GATAD2A: variants seen among roughly 807,000 people sequenced by gnomAD.
GATAD2A encodes the protein GATA zinc finger domain containing 2A, also known as transcriptional repressor p66-alpha.
In GATAD2A, 12 loss-of-function variants were observed where a neutral mutation model predicts 68.5. That is an observed-to-expected ratio of 0.18 (90% CI 0.11 to 0.28). GATAD2A has a LOEUF of 0.28. Ranked by LOEUF, GATAD2A falls within the 10% of genes least tolerant of loss-of-function variation. The probability of loss-of-function intolerance (pLI) is 1.00; values close to 1 mark genes in which losing one functional copy is unlikely to be tolerated. For missense variants in GATAD2A, 755 were observed against 868.5 expected, an observed-to-expected ratio of 0.87 and a Z score of 1.64; for synonymous variants, 410 against 375.3, an observed-to-expected ratio of 1.09 and a Z score of -1.07.
intron 4 of GATAD2A, among the ~76,000 whole-genome samples, chr19:19,492,929 G>A (rs1362949921): frequency 1.3e-5 from 2 of 150,676 alleles, no homozygotes; most frequent in East Asian, 2.0e-4. Flanking sequence ...GGTTCTGAGG[G>A]TCTAAAGCTC....
intron 1 of GATAD2A, among the ~76,000 whole-genome samples, chr19:19,455,847 G>A (rs1181244154): frequency 1.3e-5 from 2 of 152,030 alleles, no homozygotes; most frequent in South Asian, 2.1e-4. Context: ...TTACTGTGTA[G>A]CATTTTAAGA....
chr19:19,450,931 C>T (rs2056318380), intron 1 of GATAD2A, among the ~76,000 whole-genome samples: 1 of 151,662 alleles, frequency 6.6e-6, no homozygotes, highest in African/African-American at 2.4e-5. Context: ...CCACTATGCC[C>T]AGCTAATTTT....
Position 19,486,968 on chromosome 19 carries a change from C to G in GATAD2A, c.270-5338C>G, listed in dbSNP as rs188357848. Among the ~76,000 whole-genome samples the G allele has an allele frequency of 6.6e-4, 101 of 152,342 alleles. 3 individuals are homozygous for G. Among genetic ancestry groups the G allele is most frequent in the African/African-American group, 2.3e-3 (94 of 41,572 alleles). On this transcript the variant is annotated intron_variant, in intron 2 of 11. Coordinates refer to ENST00000683918, the MANE Select transcript of GATAD2A (RefSeq NM_001384528.1). ...AGGGCTCTCTCCACAGCCTGACTTG[C>G]CGGCAGTCGTTTGAAGTCCAAGGCT... is the stretch of plus-strand genomic sequence containing the variant.
In GATAD2A at chr19:19,501,111, C is replaced by T; in HGVS notation, c.1205-7C>T. ...TCTGACGTGAGCCATGTGCTGTCTGCTTGCAGCAGGCAGGATGTCGGCCGC... is the reference window on the plus strand; with the variant it reads ...TCTGACGTGAGCCATGTGCTGTCTGTTTGCAGCAGGCAGGATGTCGGCCGC... On this transcript the variant is annotated splice_polypyrimidine_tract_variant and splice_region_variant and intron_variant, in intron 8 of 11. Coordinates refer to ENST00000683918, the MANE Select transcript of GATAD2A (RefSeq NM_001384528.1). 1.2e-6 allele frequency: 2 copies of T among 1,606,104 alleles called. No homozygotes were observed. The highest frequency in any genetic ancestry group is 2.2e-5 in the South Asian group (2 of 90,870).
In GATAD2A at chr19:19,498,533, G is replaced by A. The variant is rs767656351; in HGVS notation, c.1015G>A (p.Glu339Lys). 1.9e-6 allele frequency: 3 copies of A among 1,613,884 alleles called. No individual in the cohort carries two copies. The highest frequency in any genetic ancestry group is 1.1e-5 in the South Asian group (1 of 91,086). ...TGTGGCCTCTGTGGTCACCTCTGCC[G>A]AGTCTCCAGCAAGCCGACAGGCGGC... Reference protein sequence around the residue: ...TSVASVVTSAESPASRQAAAK... With the variant: ...TSVASVVTSAKSPASRQAAAK... Residue 339 changes from glutamate (E) to lysine (K), a missense_variant, in exon 8 of 12, where the codon GAG becomes AAG. Coordinates refer to ENST00000683918, the MANE Select transcript of GATAD2A (RefSeq NM_001384528.1).
At position 19,492,702 on chromosome 19, in the gene GATAD2A, C is replaced by T. The variant is rs148174468; in HGVS notation, c.524C>T (p.Thr175Ile). 1.7e-5 allele frequency: 27 copies of T among 1,613,998 alleles called. No individual in the cohort carries two copies. The African/African-American group carries it at 3.1e-4, about 18-fold the overall frequency. Residue 175 changes from threonine to isoleucine, a missense_variant, in exon 4 of 12, where the codon ACC becomes ATC. Transcript: ENST00000683918. Reference protein sequence around the residue: ...LRQSQIQKEATAQKPTGSVGS... With the variant: ...LRQSQIQKEAIAQKPTGSVGS... Reference sequence around the variant, plus strand: ...CAGAGTCAAATACAAAAGGAAGCCACCGCCCAGAAGGTGCGTGCCTGTCTC... The same window carrying T: ...CAGAGTCAAATACAAAAGGAAGCCATCGCCCAGAAGGTGCGTGCCTGTCTC...
In GATAD2A at chr19:19,444,423, C is replaced by G. The variant is rs139046309; in HGVS notation, c.-6-20917C>G. Among the ~76,000 whole-genome samples the G allele has an allele frequency of 7.2e-5, 11 of 152,274 alleles. No homozygotes were observed. In the East Asian group the frequency reaches 2.1e-3, roughly 29 times the overall value. On this transcript the variant is annotated intron_variant, in intron 1 of 11. Transcript: ENST00000683918. The stretch of plus-strand genomic sequence containing the variant: ...GCTGTGCCCCCCACTCCAGTGTTCT[C>G]CTTGGGGCTCCTGAGGCAGCTCCCA...
At chr19:19,421,409 T>C (rs1241262112) in intron 1 of GATAD2A, among the ~76,000 whole-genome samples, 1 of 152,172 alleles carries the variant, frequency 6.6e-6, no homozygotes, top group Non-Finnish European at 1.5e-5. Context: ...TCCATACCAG[T>C]TTCCCAGGGC....
At chr19:19,406,308 G>C (rs1316327578) in intron 1 of GATAD2A, among the ~76,000 whole-genome samples, 1 of 151,660 alleles carries the variant, frequency 6.6e-6, no homozygotes, top group Non-Finnish European at 1.5e-5. Flanking sequence ...CTGCGGGGTC[G>C]GGGGAAGGGC....
At chr19:19,477,175 C>G (rs568924621) in intron 2 of GATAD2A, among the ~76,000 whole-genome samples, 2 of 152,032 alleles carry the variant, frequency 1.3e-5, no homozygotes, top group African/African-American at 2.4e-5. Flanking sequence ...GGCTGAGGCT[C>G]GGGCAGATGC....
At chr19:19,412,990 A>G (rs2051145617) in intron 1 of GATAD2A, among the ~76,000 whole-genome samples, 1 of 152,182 alleles carries the variant, frequency 6.6e-6, no homozygotes, top group Non-Finnish European at 1.5e-5. Context: ...TCCCTTTCGT[A>G]CCATGGTAAA....
At chr19:19,454,728 G>GCCCCCCCC (rs60087917) in intron 1 of GATAD2A, among the ~76,000 whole-genome samples, 49 of 121,602 alleles carry the variant, frequency 4.0e-4, no homozygotes, top group Non-Finnish European at 4.7e-4. Context: ...GAGCCACTGT[G>GCCCCCCCC]CCCCCCCCCA....
chr19:19,480,974 T>C (rs989978260), intron 2 of GATAD2A, among the ~76,000 whole-genome samples: 1 of 152,224 alleles, frequency 6.6e-6, no homozygotes, highest in Admixed American at 6.5e-5. Context: ...GTGTGTTTCA[T>C]GTTTGTGGCT....
rs2060910840 is a variant in GATAD2A, at chr19:19,507,399, C to G, written c.*1925C>G. 6.6e-6 allele frequency: 1 copy of G among 152,258 alleles called. No individual in the cohort carries two copies. Among genetic ancestry groups the G allele is most frequent in the African/African-American group, 2.4e-5 (1 of 41,454 alleles). The allele number at this position is 152,258 out of a possible 1,614,324, so 9.4% of individuals were successfully genotyped here. ...AGGGGCCAGATCTTCCAGCTCCTCC[C>G]AGAAGGAGCACCCAGGCTGGCTTCT... On this transcript the variant is annotated 3_prime_UTR_variant, in exon 12 of 12. Coordinates refer to ENST00000683918, the MANE Select transcript of GATAD2A (RefSeq NM_001384528.1).
At chr19:19,392,500 C>CT (rs2048921463) in intron 1 of GATAD2A, among the ~76,000 whole-genome samples, 1 of 150,420 alleles carries the variant, frequency 6.6e-6, no homozygotes, top group Non-Finnish European at 1.5e-5. Context: ...TCAAGCAATT[C>CT]TCTGTCTTAG....
intron 2 of GATAD2A, among the ~76,000 whole-genome samples, chr19:19,472,058 G>A (rs1189102597): frequency 6.6e-6 from 1 of 152,156 alleles, no homozygotes; most frequent in Non-Finnish European, 1.5e-5. Flanking sequence ...TTTTTCTGTT[G>A]TTCTTTTTAA....
intron 2 of GATAD2A, among the ~76,000 whole-genome samples, chr19:19,478,429 C>T (rs2058820931): frequency 6.6e-6 from 1 of 151,964 alleles, no homozygotes; most frequent in African/African-American, 2.4e-5. Context: ...GGCAAATCCC[C>T]GTTGCTACAA....
At chr19:19,404,225 A>G (rs937491721), upstream of GATAD2A, among the ~76,000 whole-genome samples, 1 of 151,850 alleles carries the variant, frequency 6.6e-6, no homozygotes, top group Non-Finnish European at 1.5e-5. Context: ...GCTTTTTTGA[A>G]CTCTGTTTAA....
chr19:19,469,431 CAA>C (rs56310236), intron 2 of GATAD2A, among the ~76,000 whole-genome samples: 1 of 132,198 alleles, frequency 7.6e-6, no homozygotes, highest in Non-Finnish European at 1.6e-5. Context: ...GACTCCATCT[CAA>C]AAAAAAAGAA....
Sources: gnomAD v4.1 joint callset for allele counts (sites outside exome capture counted in the v4.1 genomes callset) on GRCh38, gnomAD v4.1.1 for gene constraint, MANE v1.5 for transcripts, NCBI Gene and HGNC (gene_info 2026-07-23, HGNC 2026-07-21) for gene names.